Variants in GABARAPL1 observed in about 807,000 individuals in gnomAD.
The protein encoded by GABARAPL1 is gamma-aminobutyric acid receptor-associated protein-like 1.
Under a neutral mutation model 14.5 loss-of-function variants are expected in GABARAPL1, and 4 were observed. The observed-to-expected ratio is 0.28, with a 90% CI of 0.14 to 0.63. The LOEUF is 0.63. Ranked by LOEUF, GABARAPL1 falls within the 30% of genes least tolerant of loss-of-function variation. The pLI, the probability that GABARAPL1 is intolerant of heterozygous loss-of-function variation, is 0.84. For missense variants in GABARAPL1, 82 were observed against 139.2 expected, an observed-to-expected ratio of 0.59 and a Z score of 2.07; for synonymous variants, 47 against 50.6, an observed-to-expected ratio of 0.93 and a Z score of 0.30.
chr12:10,219,333 C>CAAAAAACA (rs1555095565), intron 2 of GABARAPL1, among the ~76,000 whole-genome samples: 2 of 139,314 alleles, frequency 1.4e-5, no homozygotes, highest in Non-Finnish European at 3.0e-5. Context: ...AAACAAAAAA[C>CAAAAAACA]AAAAAAAAAA....
In GABARAPL1 at chr12:10,220,529, A is replaced by G; in HGVS notation, c.259A>G (p.Thr87Ala). The G allele has an allele frequency of 1.2e-6, 2 of 1,613,914 alleles. No homozygotes were observed. Among genetic ancestry groups the G allele is most frequent in the Non-Finnish European group, 1.7e-6 (2 of 1,179,962 alleles). ...CTTTGTCAACAACACCATCCCTCCC[A>G]CCAGTGCTACCATGGGCCAACTGTA... ...FFFVNNTIPPTSATMGQLYED... is the reference protein window; with the variant it reads ...FFFVNNTIPPASATMGQLYED... The change falls in exon 3 of 4, where the codon ACC becomes GCC. Residue 87 changes from threonine (T) to alanine (A), a missense_variant. Thr to Ala is a moderately conservative substitution (Grantham distance 58, BLOSUM62 0). This residue lies in a region of GABARAPL1 where 65 missense variants were observed against 103.7 expected (regional missense o/e 0.63). Transcript: ENST00000266458.
intron 3 of GABARAPL1, 191 bp from the exon 4 acceptor site, chr12:10,221,596 T>C (rs778932518): frequency 2.1e-6 from 1 of 477,752 alleles, no homozygotes; most frequent in Non-Finnish European, 2.7e-6. Flanking sequence ...ATGTTTTCAA[T>C]GAAGGATTTT....
Position 10,220,468 on chromosome 12 carries a change from G to A in GABARAPL1, c.198G>A (p.Lys66=), listed in dbSNP as rs1401860692. The change falls in exon 3 of 4, where the codon AAG becomes AAA. Residue 66 remains lysine, a synonymous_variant. Transcript: ENST00000266458. ...TVGQFYFLIR[K]RIHLRPEDAL... ...GCCAGTTCTACTTCTTAATCCGGAA[G>A]AGAATCCACCTGAGACCTGAGGACG... 2.5e-6 allele frequency: 4 copies of A among 1,613,014 alleles called. No homozygotes were observed. The highest frequency in any genetic ancestry group is 3.4e-6 in the Non-Finnish European group (4 of 1,179,976).
chr12:10,214,776 T>TC (rs1351481886), intron 1 of GABARAPL1: 1 of 152,234 alleles, frequency 6.6e-6, no homozygotes, highest in Non-Finnish European at 1.5e-5. Context: ...TGTGGAGCTC[T>TC]CGGGTATCTT....
chr12:10,213,790 A>G (rs1319039726), intron 1 of GABARAPL1: 1 of 454,876 alleles, frequency 2.2e-6, no homozygotes, highest in South Asian at 1.6e-5. Context: ...CCTGGAAAAC[A>G]AGGTCACGTT....
intron 1 of GABARAPL1, 41 bp downstream of exon 1, chr12:10,213,260 C>A: frequency 9.2e-7 from 1 of 1,082,228 alleles, no homozygotes; most frequent in Non-Finnish European, 1.4e-6. Flanking sequence ...GGGAAGGGCC[C>A]GCGGGGGCGG....
intron 2 of GABARAPL1, among the ~76,000 whole-genome samples, chr12:10,220,095 G>T (rs954354476): frequency 5.9e-5 from 9 of 152,154 alleles, no homozygotes; most frequent in Admixed American, 2.6e-4. Flanking sequence ...TTTCAAGTCA[G>T]GTTTAGACAG....
At chr12:10,218,544 C>G (rs1034731211) in intron 2 of GABARAPL1, among the ~76,000 whole-genome samples, 2 of 151,882 alleles carry the variant, frequency 1.3e-5, no homozygotes. Flanking sequence ...CTGCACTCCA[C>G]CCTGGGCAAC....
chr12:10,219,932 G>GA (rs1949111489), intron 2 of GABARAPL1, among the ~76,000 whole-genome samples: 1 of 152,214 alleles, frequency 6.6e-6, no homozygotes, highest in Non-Finnish European at 1.5e-5. Flanking sequence ...CAGCCATCTA[G>GA]AAAATTTTCA....
intron 2 of GABARAPL1, 60 bp from the exon 3 acceptor site, chr12:10,220,380 T>A: frequency 6.2e-7 from 1 of 1,607,464 alleles, no homozygotes. Flanking sequence ...GGACTTACCC[T>A]TCTACTAATT....
chr12:10,222,018 A>G lies in GABARAPL1; in HGVS notation c.*166A>G. On this transcript the variant is annotated 3_prime_UTR_variant, in exon 4 of 4. Coordinates refer to ENST00000266458, the MANE Select transcript of GABARAPL1 (RefSeq NM_031412.4). ...CCGTCATCACATTTTCACATGCTCA[A>G]TTGATATTTTTTGCTGCTTCCTCGG... is the stretch of plus-strand genomic sequence containing the variant. 4.7e-6 allele frequency: 3 copies of G among 642,492 alleles called. No homozygotes were observed. Among genetic ancestry groups the G allele is most frequent in the South Asian group, 3.6e-5 (2 of 55,846 alleles). 39.8% of individuals were successfully genotyped at this position (642,492 alleles called of 1,614,324 possible). A position where few individuals can be genotyped will look rare whatever the true frequency, so the allele number is the denominator to read the frequency against.
At chr12:10,219,692 C>G (rs111504830) in intron 2 of GABARAPL1, among the ~76,000 whole-genome samples, 2,632 of 151,806 alleles carry the variant, frequency 0.017, 71 homozygotes, top group African/African-American at 0.06. Context: ...CCCAGCTACT[C>G]GGGAGGCTGA....
At chr12:10,220,838 A>C in intron 3 of GABARAPL1, 1 of 1,419,008 alleles carries the variant, frequency 7.0e-7, no homozygotes, top group East Asian at 2.5e-5. Flanking sequence ...TTGAAACAGC[A>C]GGAAGTGATT....
At position 10,220,568 on chromosome 12, in the gene GABARAPL1, C is replaced by T. The variant is rs929859518; in HGVS notation, c.288+10C>T. 2 of 1,613,912 alleles carry T rather than the reference C, an allele frequency of 1.2e-6. No homozygotes were observed. The highest frequency in any genetic ancestry group is 1.7e-6 in the Non-Finnish European group (2 of 1,179,942). On this transcript the variant is annotated intron_variant, in intron 3 of 3. Transcript: ENST00000266458. ...GGGCCAACTGTATGAGGTAATGGTT[C>T]TGGTTGCACAATACTGGATGCCGTC...
At chr12:10,216,649 C>A (rs1007955163) in intron 1 of GABARAPL1, among the ~76,000 whole-genome samples, 2 of 150,452 alleles carry the variant, frequency 1.3e-5, no homozygotes, top group African/African-American at 4.9e-5. Context: ...ATGCGATTCT[C>A]CTGCCTCAGC....
At chr12:10,217,221 C>T (rs1219040369) in intron 1 of GABARAPL1, among the ~76,000 whole-genome samples, 1 of 152,116 alleles carries the variant, frequency 6.6e-6, no homozygotes, top group African/African-American at 2.4e-5. Flanking sequence ...GCTTGTTGTG[C>T]TGACATCATA....
intron 3 of GABARAPL1, 34 bp downstream of exon 3, chr12:10,220,592 T>C: frequency 1.9e-6 from 3 of 1,613,656 alleles, no homozygotes; most frequent in Non-Finnish European, 2.5e-6. Flanking sequence ...CTGGATGCCG[T>C]CCAGTGCAGT....
intron 1 of GABARAPL1, chr12:10,214,805 T>C (rs1949078878): frequency 6.6e-6 from 1 of 152,218 alleles, no homozygotes; most frequent in Non-Finnish European, 1.5e-5. Flanking sequence ...TGCCATATTG[T>C]TTCTCAGTTT....
chr12:10,217,736 T>A (rs1464839296), intron 1 of GABARAPL1, among the ~76,000 whole-genome samples: 2 of 152,172 alleles, frequency 1.3e-5, no homozygotes, highest in Non-Finnish European at 2.9e-5. Flanking sequence ...ATCTCAAAGA[T>A]AAATAATAAA....
Sources: gnomAD v4.1 joint callset for allele counts (sites outside exome capture counted in the v4.1 genomes callset) on GRCh38, gnomAD v4.1.1 for gene constraint, gnomAD v4.1.1 regional missense constraint, MANE v1.5 for transcripts, NCBI Gene and HGNC (gene_info 2026-07-23, HGNC 2026-07-21) for gene names.